ZBTB20: variants seen among roughly 807,000 people sequenced by gnomAD.
The protein encoded by ZBTB20 is zinc finger and BTB domain containing 20, also known as zinc finger and BTB domain-containing protein 20.
A neutral mutation model predicts 56.9 loss-of-function variants in ZBTB20; 9 were observed. That is an observed-to-expected ratio of 0.16 (90% CI 0.10 to 0.28). ZBTB20 has a LOEUF of 0.28. Among genes scored for constraint, ZBTB20 ranks in the 10% least tolerant of loss-of-function variants. ZBTB20 has a pLI of 1.00. For missense variants in ZBTB20, 655 were observed against 1,003.0 expected, an observed-to-expected ratio of 0.65 and a Z score of 4.69; for synonymous variants, 417 against 420.7, an observed-to-expected ratio of 0.99 and a Z score of 0.11.
At chr3:114,806,346 C>T (rs1056259049) in intron 4 of ZBTB20, among the ~76,000 whole-genome samples, 1 of 151,846 alleles carries the variant, frequency 6.6e-6, no homozygotes, top group Non-Finnish European at 1.5e-5. Context: ...ATAATGTTGA[C>T]CATGTTTTCA....
chr3:114,952,963 C>T (rs1439055574), intron 3 of ZBTB20, among the ~76,000 whole-genome samples: 1 of 151,934 alleles, frequency 6.6e-6, no homozygotes, highest in Non-Finnish European at 1.5e-5. Context: ...ATATAAGAAA[C>T]GATTATTCTT....
At chr3:114,998,759 G>A (rs1446619484) in intron 2 of ZBTB20, among the ~76,000 whole-genome samples, 1 of 151,410 alleles carries the variant, frequency 6.6e-6, no homozygotes, top group Non-Finnish European at 1.5e-5. Flanking sequence ...TGAGAGAAGT[G>A]GCTTGGATGT....
At chr3:114,385,694 C>T (rs1206759897) in intron 8 of ZBTB20, among the ~76,000 whole-genome samples, 1 of 152,072 alleles carries the variant, frequency 6.6e-6, no homozygotes, top group Non-Finnish European at 1.5e-5. Flanking sequence ...TGGTGAAATC[C>T]TGTCTCTACC....
At chr3:114,937,965 G>A (rs1030368232) in intron 3 of ZBTB20, among the ~76,000 whole-genome samples, 2 of 151,792 alleles carry the variant, frequency 1.3e-5, no homozygotes, top group East Asian at 3.9e-4. Flanking sequence ...GGCCGTGGTG[G>A]TGGGCGCCTG....
intron 5 of ZBTB20, among the ~76,000 whole-genome samples, chr3:114,715,351 C>G (rs1379877706): frequency 6.6e-6 from 1 of 152,166 alleles, no homozygotes; most frequent in Admixed American, 6.6e-5. Context: ...CTTTGTCATA[C>G]CTTTTTCCCC....
chr3:114,619,843 C>T (rs555391737), intron 6 of ZBTB20, among the ~76,000 whole-genome samples: 1 of 152,112 alleles, frequency 6.6e-6, no homozygotes, highest in Non-Finnish European at 1.5e-5. Context: ...TGCCCCTGCT[C>T]TTTATTGTGC....
intron 6 of ZBTB20, among the ~76,000 whole-genome samples, chr3:114,640,264 A>G (rs2059488908): frequency 6.6e-6 from 1 of 152,058 alleles, no homozygotes; most frequent in African/African-American, 2.4e-5. Flanking sequence ...CTACCAAGCT[A>G]TCCAAAAACT....
chr3:114,528,106 G>A (rs2047441939), intron 6 of ZBTB20, among the ~76,000 whole-genome samples: 1 of 151,102 alleles, frequency 6.6e-6, no homozygotes, highest in Non-Finnish European at 1.5e-5. Flanking sequence ...ATTTTTAAAA[G>A]TAGAGAATCA....
intron 7 of ZBTB20, among the ~76,000 whole-genome samples, chr3:114,491,913 G>T (rs1049312293): frequency 1.3e-5 from 2 of 152,064 alleles, no homozygotes; most frequent in African/African-American, 4.8e-5. Context: ...AACAGCTTTT[G>T]CTGAGGTCAA....
intron 4 of ZBTB20, among the ~76,000 whole-genome samples, chr3:114,889,182 G>T (rs555906270): frequency 5.3e-5 from 8 of 151,820 alleles, no homozygotes; most frequent in Non-Finnish European, 1.0e-4. Context: ...AATAGAAATT[G>T]TATTCATAAT....
At chr3:114,886,901 A>G (rs567033771) in intron 4 of ZBTB20, among the ~76,000 whole-genome samples, 2 of 152,238 alleles carry the variant, frequency 1.3e-5, no homozygotes, top group Non-Finnish European at 2.9e-5. Context: ...CCTGTCGCCT[A>G]TAACGGAATA....
intron 2 of ZBTB20, among the ~76,000 whole-genome samples, chr3:114,998,158 T>C (rs1024725541): frequency 6.6e-6 from 1 of 151,736 alleles, no homozygotes; most frequent in African/African-American, 2.4e-5. Flanking sequence ...TTACCCAGCT[T>C]TCCACATTGG....
intron 7 of ZBTB20, among the ~76,000 whole-genome samples, chr3:114,491,381 C>T (rs2042737563): frequency 6.6e-6 from 1 of 152,198 alleles, no homozygotes; most frequent in Non-Finnish European, 1.5e-5. Context: ...CTTGCTGTCC[C>T]ATTTGTCTCA....
At chr3:115,031,624 TCA>T (rs1480484843) in intron 2 of ZBTB20, among the ~76,000 whole-genome samples, 1 of 151,494 alleles carries the variant, frequency 6.6e-6, no homozygotes, top group African/African-American at 2.4e-5. Context: ...AAAACTATTA[TCA>T]GACAGTCCAT....
chr3:114,726,231 G>A (rs993923063), intron 5 of ZBTB20, among the ~76,000 whole-genome samples: 1 of 152,054 alleles, frequency 6.6e-6, no homozygotes, highest in Non-Finnish European at 1.5e-5. Context: ...TTTTAGACAG[G>A]GTGGGGTGTT....
Position 114,829,692 on chromosome 3 carries a change from C to T in ZBTB20, c.-416-28518G>A, listed in dbSNP as rs980630368. On this transcript the variant is annotated intron_variant, in intron 4 of 11. Transcript: ENST00000675478. ...TACACGGGAGATGCAAGTATAACTT[C>T]ATTATTTTACAATTAGAACACTAAG... Among the ~76,000 whole-genome samples the T allele has an allele frequency of 2.0e-5, 3 of 151,790 alleles. 1 individual carries two copies. In the East Asian group the frequency reaches 5.8e-4, roughly 29 times the overall value.
chr3:114,690,261 A>G (rs1203688174), intron 6 of ZBTB20, among the ~76,000 whole-genome samples: 1 of 152,128 alleles, frequency 6.6e-6, no homozygotes, highest in Non-Finnish European at 1.5e-5. Context: ...GCACATCAAT[A>G]TTCTAGCTAC....
chr3:115,065,846 T>C (rs1164064192), intron 2 of ZBTB20, among the ~76,000 whole-genome samples: 1 of 152,124 alleles, frequency 6.6e-6, no homozygotes, highest in African/African-American at 2.4e-5. Context: ...TAGTGCCTCC[T>C]CAAATAGATA....
intron 1 of ZBTB20, among the ~76,000 whole-genome samples, chr3:115,081,998 T>C (rs2082813900): frequency 6.6e-6 from 1 of 152,184 alleles, no homozygotes; most frequent in Admixed American, 6.6e-5. Context: ...TATTCACAAG[T>C]GGCTTCTGGA....
Sources: allele counts gnomAD v4.1 joint callset (sites outside exome capture counted in the v4.1 genomes callset), GRCh38; gene constraint gnomAD v4.1.1; transcripts MANE v1.5; gene names NCBI Gene and HGNC (gene_info 2026-07-23, HGNC 2026-07-21).